SLC2A7: variants seen among roughly 807,000 people sequenced by gnomAD.
The protein encoded by SLC2A7 is solute carrier family 2 member 7, also known as solute carrier family 2, facilitated glucose transporter member 7.
In SLC2A7, 50 loss-of-function variants were observed where a neutral mutation model predicts 50.5. The ratio of observed to expected loss-of-function variants is 0.99; its 90% confidence interval spans 0.79 to 1.25. The LOEUF is 1.25. Among genes scored for constraint, SLC2A7 ranks in the 50% most tolerant of loss-of-function variants. SLC2A7 has a pLI of 0.00. For synonymous variants in SLC2A7, 308 were observed against 300.4 expected (o/e 1.03, Z -0.26); for missense variants, 683 against 679.1 (o/e 1.01, Z -0.06).
intron 3 of SLC2A7, among the ~76,000 whole-genome samples, chr1:9,021,088 T>C (rs962254932): frequency 6.6e-6 from 1 of 152,128 alleles, no homozygotes; most frequent in Non-Finnish European, 1.5e-5. Context: ...AATGGACTAA[T>C]ACACTCCGCC....
At chr1:9,003,586 G>A (rs972167508) in intron 11 of SLC2A7, 68 bp from the exon 12 acceptor site, 14 of 1,436,786 alleles carry the variant, frequency 9.7e-6, no homozygotes, top group South Asian at 2.4e-5. Context: ...AGCTGAGCAC[G>A]TTGGCTCATG....
rs1194198298 is a variant in SLC2A7 at position 9,019,393 on chromosome 1, C to T, written c.312-60G>A. The T allele has an allele frequency of 1.9e-6, 3 of 1,597,756 alleles. No individual in the cohort carries two copies. In the Admixed American group the frequency reaches 5.2e-5, roughly 28 times the overall value. ...GTGGAGGCCGCGGAAGCCCTCCCAA[C>T]ACCAGCTCCTATTCTGCGGGCAGTC... On this transcript the variant is annotated intron_variant, in intron 3 of 11. Transcript: ENST00000400906.
At chr1:9,002,954 G>A (rs1219241008), downstream of SLC2A7, among the ~76,000 whole-genome samples, 2 of 152,208 alleles carry the variant, frequency 1.3e-5, no homozygotes, top group African/African-American at 2.4e-5. Flanking sequence ...AATGACGGCA[G>A]CTCGGGTATC....
At chr1:9,000,083 G>A (rs551611407), downstream of SLC2A7, among the ~76,000 whole-genome samples, 1 of 152,292 alleles carries the variant, frequency 6.6e-6, no homozygotes, top group Admixed American at 6.5e-5. Context: ...CTTAAGGACC[G>A]AATTGGTGAA....
In SLC2A7 at chr1:9,026,300, C is replaced by A; in HGVS notation, c.46G>T (p.Glu16Ter). The A allele has an allele frequency of 6.2e-7, 1 of 1,609,222 alleles. No homozygotes were observed. Among genetic ancestry groups the A allele is most frequent in the Non-Finnish European group, 8.5e-7 (1 of 1,177,640 alleles). ...AGTPPPIPSR[E>*]GRLQPTLLLA... ...TTCCTAGTCTTGGCACTTACCCCCT[C>A]CCTGGATGGAATGGGTGGAGGGGTT... The change falls in exon 1 of 12, where the codon GAG (glutamate) becomes TAG (stop). Residue 16 changes from glutamate to a stop codon, truncating the protein, a stop_gained. Coordinates refer to ENST00000400906, the MANE Select transcript of SLC2A7 (RefSeq NM_207420.3). LOFTEE classifies it high-confidence loss of function.
intron 8 of SLC2A7, among the ~76,000 whole-genome samples, chr1:9,012,275 G>A (rs1482389158): frequency 6.6e-6 from 1 of 152,196 alleles, no homozygotes; most frequent in African/African-American, 2.4e-5. Flanking sequence ...TGTTCCTCCA[G>A]GGAGAGGGAA....
At chr1:9,020,869 C>G (rs1471484567) in intron 3 of SLC2A7, among the ~76,000 whole-genome samples, 3 of 151,988 alleles carry the variant, frequency 2.0e-5, no homozygotes, top group African/African-American at 7.3e-5. Context: ...GTGAATAAGT[C>G]TCACCAGGTC....
intron 5 of SLC2A7, among the ~76,000 whole-genome samples, 190 bp from the exon 6 acceptor site, chr1:9,015,432 G>A (rs919624124): frequency 2.6e-5 from 4 of 152,114 alleles, no homozygotes; most frequent in Admixed American, 1.3e-4. Context: ...AAATTTACAC[G>A]TCATTAATTA....
chr1:9,021,678 C>T (rs1431736115), intron 3 of SLC2A7, among the ~76,000 whole-genome samples: 1 of 152,180 alleles, frequency 6.6e-6, no homozygotes, highest in African/African-American at 2.4e-5. Context: ...AGAGCACATC[C>T]CCCATCACGG....
At chr1:9,022,179 C>T (rs998180124) in intron 3 of SLC2A7, among the ~76,000 whole-genome samples, 2 of 152,264 alleles carry the variant, frequency 1.3e-5, no homozygotes, top group African/African-American at 4.8e-5. Context: ...CACTAGAGGG[C>T]CTTCCAGTCA....
chr1:9,025,252 C>T (rs886252164), intron 1 of SLC2A7, among the ~76,000 whole-genome samples, 178 bp from the exon 2 acceptor site: 11 of 152,194 alleles, frequency 7.2e-5, no homozygotes, highest in African/African-American at 2.7e-4. Flanking sequence ...GCTGAGGTCT[C>T]TGCACGCATT....
At chr1:9,019,404 A>C in intron 3 of SLC2A7, 71 bp from the exon 4 acceptor site, 1 of 1,587,002 alleles carries the variant, frequency 6.3e-7, no homozygotes, top group African/African-American at 1.3e-5. Context: ...ACCAGCTCCT[A>C]TTCTGCGGGC....
rs776594309 is a variant in SLC2A7, at chr1:9,019,297, G to A, written c.348C>T (p.Ile116=). 8 of 1,614,026 alleles carry A rather than the reference G, an allele frequency of 5.0e-6. No homozygotes were observed. The highest frequency in any genetic ancestry group is 6.8e-6 in the Non-Finnish European group (8 of 1,180,010). Residue 116 remains isoleucine, a synonymous_variant, in exon 4 of 12, where the codon ATC becomes ATT. Transcript: ENST00000400906. ...GTLLINNIFA[I]IPAILMGVSK... ...TGACTCCCATCAGGATGGCGGGGAT[G>A]ATGGCAAAGATGTTGTTGATCAGCA...
chr1:9,018,210 G>A lies in SLC2A7; in HGVS notation c.589+13C>T, dbSNP rs771563207. 1.4e-5 allele frequency: 22 copies of A among 1,613,950 alleles called. No individual in the cohort carries two copies. Among genetic ancestry groups the A allele is most frequent in the African/African-American group, 4.0e-5 (3 of 74,998 alleles). ...AGACTGGACCTAGCGTGACCTCTGC[G>A]GCTGCCGGTTACCTGCCGGGTTGCC... On this transcript the variant is annotated intron_variant, in intron 5 of 11. Transcript: ENST00000400906.
intron 10 of SLC2A7, 109 bp downstream of exon 10, chr1:9,007,201 G>A: frequency 7.9e-7 from 1 of 1,259,410 alleles, no homozygotes; most frequent in Non-Finnish European, 1.2e-6. Context: ...GTGAGCACGG[G>A]GACCAAGGAC....
chr1:9,022,479 C>T (rs1569809102), intron 3 of SLC2A7, among the ~76,000 whole-genome samples: 1 of 152,136 alleles, frequency 6.6e-6, no homozygotes, highest in Non-Finnish European at 1.5e-5. Context: ...TGGCCGGCAG[C>T]GTGACTCAGC....
rs34837941 is a variant in SLC2A7 at position 9,008,603 on chromosome 1, G to GTT, written c.1117-1220_1117-1219dup. Among the ~76,000 whole-genome samples, 83,302 of 145,912 alleles carry GTT rather than the reference G, an allele frequency of 0.57. 24,484 individuals carry two copies. The highest frequency in any genetic ancestry group is 0.71 in the African/African-American group (28,084 of 39,536). On this transcript the variant is annotated intron_variant, in intron 9 of 11. Coordinates refer to ENST00000400906, the MANE Select transcript of SLC2A7 (RefSeq NM_207420.3). The surrounding 1 kb of genome is among the most constrained non-coding windows in gnomAD (Gnocchi z 5.9). The stretch of plus-strand genomic sequence containing the variant: ...AAGGTTCTGCTAAGAACTTATATTG[G>GTT]TTTTTTTTTTTTTTAGACAGAATCT...
intron 5 of SLC2A7, among the ~76,000 whole-genome samples, chr1:9,017,387 C>T (rs890351562): frequency 3.4e-5 from 4 of 119,230 alleles, no homozygotes; most frequent in African/African-American, 1.0e-4. Context: ...CTGACCAATG[C>T]TGTTGGCTGT....
rs1640669595 is a variant in SLC2A7, at chr1:9,007,356, G to A, written c.1146C>T (p.Gly382=). 2 of 1,614,256 alleles carry A rather than the reference G, an allele frequency of 1.2e-6. No homozygotes were observed. Among genetic ancestry groups the A allele is most frequent in the Non-Finnish European group, 8.5e-7 (1 of 1,180,040 alleles). Reference sequence around the variant, plus strand: ...CGATGTAGGCAAAGACACAGATGATGCCGAGGTAGGACAGCTCGGGGACCC... The same window carrying A: ...CGATGTAGGCAAAGACACAGATGATACCGAGGTAGGACAGCTCGGGGACCC... The part of the protein sequence containing the change: ...QNRVPELSYL[G]IICVFAYIAG... The change falls in exon 10 of 12, where the codon GGC becomes GGT. Residue 382 remains glycine, a synonymous_variant. Transcript: ENST00000400906.
Sources: allele counts gnomAD v4.1 joint callset (sites outside exome capture counted in the v4.1 genomes callset), GRCh38; gene constraint gnomAD v4.1.1; non-coding constraint Gnocchi (gnomAD v3.1); transcripts MANE v1.5; gene names NCBI Gene and HGNC (gene_info 2026-07-23, HGNC 2026-07-21).